ZNF185: variants seen among roughly 807,000 people sequenced by gnomAD.
The protein encoded by ZNF185 is zinc finger protein 185.
A neutral mutation model predicts 58.6 loss-of-function variants in ZNF185; 56 were observed. The ratio of observed to expected loss-of-function variants is 0.95; its 90% confidence interval spans 0.77 to 1.19. ZNF185 has a LOEUF of 1.19. Among genes scored for constraint, ZNF185 ranks in the 50% most tolerant of loss-of-function variants. ZNF185 has a pLI of 0.00. For missense variants in ZNF185, 627 were observed against 573.5 expected (o/e 1.09, Z -0.95); for synonymous variants, 230 against 215.9 (o/e 1.07, Z -0.57).
At chrX:152,936,992 GTGCATTCCCA>G (rs782466610) in intron 14 of ZNF185, among the ~76,000 whole-genome samples, 1 of 112,026 alleles carries the variant, frequency 8.9e-6, no homozygotes, top group East Asian at 2.8e-4. Context: ...GGAAGAAGCT[GTGCATTCCCA>G]TGCTGTAAGC....
chrX:152,971,078 G>A (rs782664593), intron 22 of ZNF185, among the ~76,000 whole-genome samples, 196 bp from the exon 25 acceptor site: 3 of 112,044 alleles, frequency 2.7e-5, no homozygotes, highest in Non-Finnish European at 3.8e-5. Context: ...TTATCACGGT[G>A]TCTGAGCACA....
intron 15 of ZNF185, among the ~76,000 whole-genome samples, chrX:152,939,061 G>GGCAACT (rs2046814772): frequency 1.8e-5 from 2 of 111,890 alleles, no homozygotes; most frequent in Non-Finnish European, 3.8e-5. Flanking sequence ...CACAGATGGA[G>GGCAACT]CAGGGCCTTG....
At chrX:152,938,931 G>C (rs2046786767) in intron 15 of ZNF185, among the ~76,000 whole-genome samples, 1 of 99,203 alleles carries the variant, frequency 1.0e-5, no homozygotes. Flanking sequence ...GCCAACTCTA[G>C]AAAGAACACG....
intron 17 of ZNF185, among the ~76,000 whole-genome samples, chrX:152,963,500 T>C (rs1416404441): frequency 1.8e-5 from 2 of 112,094 alleles, no homozygotes; most frequent in Non-Finnish European, 3.8e-5. Flanking sequence ...GGGCTGTGTC[T>C]TCCCCTTCTG....
chrX:152,936,413 C>T lies in ZNF185; in HGVS notation c.1122-1661C>T. On this transcript the variant is annotated intron_variant, in intron 14 of 22. Transcript: ENST00000449285. ...ACCTGGACCAGGTCTGGCCTTCTTT[C>T]ACAGGCTGTGTGCAGCTGCTAGCTT... is the stretch of plus-strand genomic sequence containing the variant. The T allele has an allele frequency of 2.6e-6, 3 of 1,165,447 alleles. No homozygotes were observed. The highest frequency in any genetic ancestry group is 5.2e-5 in the Admixed American group (2 of 38,811).
At position 152,938,236 on chromosome X, in the gene ZNF185, T is replaced by G. The variant is rs782017712; in HGVS notation, c.1211+73T>G. 49 of 1,046,207 alleles carry G rather than the reference T, an allele frequency of 4.7e-5. 2 individuals carry two copies. In the South Asian group the frequency reaches 1.0e-3, roughly 22 times the overall value. 86.2% of individuals were successfully genotyped at this position (1,046,207 alleles called of 1,213,427 possible). ...GCTTGGGCTGTGTGTCCATTGGCCT[T>G]TGGCTGGGAAGGTGAGGCCAGCAAG... is the stretch of plus-strand genomic sequence containing the variant. On this transcript the variant is annotated intron_variant, in intron 15 of 22. Transcript: ENST00000449285.
chrX:152,898,720 A>G, the ZNF185 span, among the ~76,000 whole-genome samples: 1 of 112,237 alleles, frequency 8.9e-6, no homozygotes, highest in African/African-American at 3.2e-5. Context: ...GTACAGGGCA[A>G]TCTTGGGGAG....
At chrX:152,965,557 C>T (rs1556914037) in intron 19 of ZNF185, 30 bp downstream of exon 21, 10 of 1,109,322 alleles carry the variant, frequency 9.0e-6, no homozygotes, top group Admixed American at 7.7e-5. Flanking sequence ...CCTTCCATGT[C>T]GGCCTTCTCC....
At chrX:152,923,614 C>T (rs937098815) in intron 11 of ZNF185, among the ~76,000 whole-genome samples, 4 of 112,272 alleles carry the variant, frequency 3.6e-5, no homozygotes, top group African/African-American at 9.7e-5. Context: ...ACTTTTTCCA[C>T]GGGACGGAGC....
At chrX:152,959,019 G>C (rs1468123674) in intron 16 of ZNF185, among the ~76,000 whole-genome samples, 9 of 112,807 alleles carry the variant, frequency 8.0e-5, no homozygotes, top group African/African-American at 2.9e-4. Context: ...TTTTGGGCGA[G>C]ATCGACCGTG....
At chrX:152,936,278 A>G (rs1457913958) in intron 14 of ZNF185, 140 bp from the exon 16 acceptor site, 9 of 487,133 alleles carry the variant, frequency 1.8e-5, no homozygotes, top group Non-Finnish European at 2.7e-5. Flanking sequence ...CTTGAGATAT[A>G]AATATTGTTC....
chrX:152,909,421 T>C, the ZNF185 span, among the ~76,000 whole-genome samples: 1,302 of 112,291 alleles, frequency 0.012, 18 homozygotes, highest in African/African-American at 0.038. Flanking sequence ...GTACTTTGCT[T>C]TCTGTGGAGG....
At chrX:152,949,147 G>A (rs1407030800) in intron 16 of ZNF185, among the ~76,000 whole-genome samples, 2 of 111,936 alleles carry the variant, frequency 1.8e-5, no homozygotes, top group African/African-American at 6.5e-5. Context: ...GACCCCTCCT[G>A]GCTTAGGTGG....
chrX:152,911,452 G>C (rs1246171248), upstream of ZNF185, among the ~76,000 whole-genome samples: 1 of 111,386 alleles, frequency 9.0e-6, no homozygotes, highest in East Asian at 2.8e-4. Flanking sequence ...AGTGGGATTA[G>C]AGACCAATGA....
intron 21 of ZNF185, 40 bp downstream of exon 23, chrX:152,969,524 C>T (rs5925268): frequency 0.29 from 308,407 of 1,066,615 alleles, 30,243 homozygotes; most frequent in South Asian, 0.43. Context: ...TAGGCGGTAA[C>T]TCCTGATCAC....
intron 22 of ZNF185, 148 bp downstream of exon 24, chrX:152,970,689 C>G (rs782040819): frequency 2.3e-6 from 1 of 443,177 alleles, no homozygotes; most frequent in Admixed American, 4.3e-5. Flanking sequence ...TCCTCATGTC[C>G]CTATGCCTTG....
chrX:152,901,637 C>T, the ZNF185 span, among the ~76,000 whole-genome samples: 2 of 111,319 alleles, frequency 1.8e-5, no homozygotes, highest in East Asian at 5.6e-4. Flanking sequence ...CAAAGGGAAA[C>T]TGAGGCACAG....
chrX:152,972,927 A>G (rs1359066187), exon 23 of ZNF185: 2 of 111,983 alleles, frequency 1.8e-5, no homozygotes, highest in Non-Finnish European at 3.8e-5. Context: ...TCTGAGCCCT[A>G]TGCACATTGG....
At chrX:152,964,190 TC>T (rs1182635446) in intron 18 of ZNF185, among the ~76,000 whole-genome samples, 3 of 112,900 alleles carry the variant, frequency 2.7e-5, no homozygotes, top group African/African-American at 9.7e-5. Flanking sequence ...CAGTGGTACT[TC>T]CTAGTGCACT....
Sources: allele counts gnomAD v4.1 joint callset (sites outside exome capture counted in the v4.1 genomes callset), GRCh38; gene constraint gnomAD v4.1.1; transcripts MANE v1.5; gene names NCBI Gene and HGNC (gene_info 2026-07-23, HGNC 2026-07-21).